The following FRMPD4 variants were observed in gnomAD, a reference collection of about 807,000 sequenced individuals.
FRMPD4 encodes FERM and PDZ domain-containing protein 4.
In FRMPD4, 22 loss-of-function variants were observed where a neutral mutation model predicts 94.1. The ratio of observed to expected loss-of-function variants is 0.23; its 90% CI spans 0.17 to 0.33. The LOEUF is 0.33. Among genes scored for constraint, FRMPD4 ranks in the 10% least tolerant of loss-of-function variants. FRMPD4 has a pLI of 1.00. For synonymous variants in FRMPD4, 631 were observed against 548.6 expected, an observed-to-expected ratio of 1.15 and a Z score of -2.10; for missense variants, 1,111 against 1,339.9, an observed-to-expected ratio of 0.83 and a Z score of 2.67.
chrX:12,231,029 A>ATATATAT (rs1569199737), intron 1 of FRMPD4, among the ~76,000 whole-genome samples: 4 of 40,675 alleles, frequency 9.8e-5, no homozygotes, highest in African/African-American at 1.9e-4. Context: ...GTATATATAT[A>ATATATAT]GTATATATAT....
intron 3 of FRMPD4, among the ~76,000 whole-genome samples, chrX:11,991,811 C>T (rs1261067556): frequency 8.9e-6 from 1 of 112,039 alleles, no homozygotes; most frequent in Admixed American, 9.5e-5. Flanking sequence ...ACTTTATCAG[C>T]GTCAAAGGTA....
chrX:12,685,795 A>C (rs2060017237), intron 6 of FRMPD4, among the ~76,000 whole-genome samples: 1 of 112,126 alleles, frequency 8.9e-6, no homozygotes, highest in Admixed American at 9.5e-5. Context: ...TGCCCTGCTT[A>C]GGTCTGGGCT....
intron 3 of FRMPD4, among the ~76,000 whole-genome samples, chrX:12,611,698 A>G (rs1247924920): frequency 8.9e-6 from 1 of 112,624 alleles, no homozygotes; most frequent in East Asian, 2.7e-4. Context: ...TTATTTTGAC[A>G]TAATATGCCC....
intron 4 of FRMPD4, among the ~76,000 whole-genome samples, chrX:12,626,611 T>C (rs2059349219): frequency 1.0e-5 from 1 of 97,131 alleles, no homozygotes; most frequent in African/African-American, 3.8e-5. Flanking sequence ...AGAACCTGAG[T>C]CTTATCTTGT....
intron 2 of FRMPD4, among the ~76,000 whole-genome samples, chrX:11,869,789 A>G (rs1035507708): frequency 4.5e-5 from 5 of 111,680 alleles, no homozygotes; most frequent in African/African-American, 1.3e-4. Context: ...ATTGTATTAT[A>G]TCTTGATTGA....
chrX:12,375,988 T>C (rs1393569792), intron 1 of FRMPD4, among the ~76,000 whole-genome samples: 1 of 112,114 alleles, frequency 8.9e-6, no homozygotes, highest in African/African-American at 3.2e-5. Context: ...CTTTGAGAAA[T>C]GGGGAAATGC....
chrX:12,137,965 C>T (rs1176670471), upstream of FRMPD4, among the ~76,000 whole-genome samples: 1 of 111,865 alleles, frequency 8.9e-6, no homozygotes, highest in Admixed American at 9.4e-5. Flanking sequence ...CTCCTGGGAC[C>T]CTCCGCTCTA....
chrX:12,313,321 A>G (rs1171583963), intron 1 of FRMPD4, among the ~76,000 whole-genome samples: 1 of 112,480 alleles, frequency 8.9e-6, no homozygotes, highest in Non-Finnish European at 1.9e-5. Flanking sequence ...GAATCATGGG[A>G]TAGCACCTTG....
At chrX:12,418,350 C>CTTTTTTTTTTTTTTTT (rs540740432) in intron 1 of FRMPD4, among the ~76,000 whole-genome samples, 1 of 81,077 alleles carries the variant, frequency 1.2e-5, no homozygotes, top group Non-Finnish European at 2.3e-5. Context: ...GTGTTTCTTT[C>CTTTTTTTTTTTTTTTT]TTTTTTTTTT....
chrX:11,918,890 G>C (rs1251854712), intron 3 of FRMPD4, among the ~76,000 whole-genome samples: 1 of 112,365 alleles, frequency 8.9e-6, no homozygotes, highest in Non-Finnish European at 1.9e-5. Context: ...AGCCAAGGAG[G>C]GAAGACATTT....
rs185778072 is a variant in FRMPD4 at position 12,171,936 on chromosome X, C to T, written c.41+32924C>T. 1.8e-3 allele frequency among the ~76,000 whole-genome samples: 205 copies of T among 111,022 alleles called. 2 individuals carry two copies. The highest frequency in any genetic ancestry group is 5.8e-3 in the Admixed American group (61 of 10,468). On this transcript the variant is annotated intron_variant, in intron 1 of 16. Coordinates refer to ENST00000675598, the MANE Select transcript of FRMPD4 (RefSeq NM_001368397.1). The stretch of plus-strand genomic sequence containing the variant: ...CTCTGCTTGGCTCCTGGTCATACCA[C>T]AAATCCTGATGCTGGTTACCCTCCT...
intron 2 of FRMPD4, among the ~76,000 whole-genome samples, chrX:12,520,182 C>A (rs1430312223): frequency 9.0e-6 from 1 of 111,641 alleles, no homozygotes; most frequent in Non-Finnish European, 1.9e-5. Flanking sequence ...AAAATGTGGT[C>A]TTTACATATA....
chrX:11,825,190 TTGTGTG>T (rs747320680), intron 1 of FRMPD4, among the ~76,000 whole-genome samples: 12,269 of 80,027 alleles, frequency 0.15, 900 homozygotes, highest in East Asian at 0.24. Flanking sequence ...TGTGTCTTCT[TTGTGTG>T]TGTGTGTGTG....
intron 4 of FRMPD4, among the ~76,000 whole-genome samples, chrX:12,625,329 T>A (rs1480340990): frequency 1.8e-5 from 2 of 111,711 alleles, no homozygotes; most frequent in African/African-American, 6.5e-5. Flanking sequence ...CAAAGAGATA[T>A]CTGCACTCTC....
chrX:12,077,859 T>G (rs2062331229), intron 3 of FRMPD4, among the ~76,000 whole-genome samples: 2 of 111,829 alleles, frequency 1.8e-5, no homozygotes, highest in South Asian at 7.4e-4. Flanking sequence ...TGCTCCTCCA[T>G]GGGGTGTTCA....
intron 3 of FRMPD4, among the ~76,000 whole-genome samples, chrX:11,984,520 CA>C (rs1246810311): frequency 8.9e-6 from 1 of 112,523 alleles, no homozygotes; most frequent in Non-Finnish European, 1.9e-5. Flanking sequence ...GATCTGGGTG[CA>C]ATGGTTTTGC....
At chrX:12,171,441 C>G (rs756752228) in intron 1 of FRMPD4, among the ~76,000 whole-genome samples, 1 of 112,090 alleles carries the variant, frequency 8.9e-6, no homozygotes, top group African/African-American at 3.2e-5. Context: ...ATCCTGGAGG[C>G]CTTTTTTAAA....
At chrX:11,915,767 G>A (rs1374354084) in intron 3 of FRMPD4, among the ~76,000 whole-genome samples, 1 of 111,952 alleles carries the variant, frequency 8.9e-6, no homozygotes, top group Non-Finnish European at 1.9e-5. Context: ...AGACTGATTG[G>A]GTTTGAAGCT....
chrX:12,037,881 C>T (rs1335262948), intron 3 of FRMPD4, among the ~76,000 whole-genome samples: 1 of 111,646 alleles, frequency 9.0e-6, no homozygotes, highest in Non-Finnish European at 1.9e-5. Context: ...TGGCCTCCAG[C>T]TCCATCCACG....
Sources: gnomAD v4.1 joint callset for allele counts (sites outside exome capture counted in the v4.1 genomes callset) on GRCh38, gnomAD v4.1.1 for gene constraint, MANE v1.5 for transcripts, NCBI Gene and HGNC (gene_info 2026-07-23, HGNC 2026-07-21) for gene names.